MYH11: variants seen among roughly 807,000 people sequenced by gnomAD.
The protein encoded by MYH11 is myosin heavy chain 11.
In MYH11, 80 loss-of-function variants were observed where a neutral mutation model predicts 246.6. That is an observed-to-expected ratio of 0.32 (90% CI 0.27 to 0.39). The LOEUF (loss-of-function observed/expected upper bound fraction) is 0.39, where lower values mean the gene tolerates loss of function less well. MYH11 is among the 10% of genes least tolerant of loss of function. The pLI is 1.00. For missense variants in MYH11, 2,158 were observed against 2,546.8 expected, an observed-to-expected ratio of 0.85 and a Z score of 3.29; for synonymous variants, 1,071 against 1,015.5, an observed-to-expected ratio of 1.05 and a Z score of -1.04.
rs2041716956 is a variant in MYH11, at chr16:15,756,378, T to A, written c.1712A>T (p.Asp571Val). The A allele has an allele frequency of 6.2e-7, 1 of 1,614,060 alleles. No individual in the cohort carries two copies. The highest frequency in any genetic ancestry group is 8.5e-7 in the Non-Finnish European group (1 of 1,180,048). The change falls in exon 14 of 41, where the codon GAC becomes GTC. Residue 571 changes from aspartate to valine, a missense_variant. This residue lies in a region of MYH11 where 317 missense variants were observed against 507.7 expected (regional missense o/e 0.62). Coordinates refer to ENST00000300036, the MANE Select transcript of MYH11 (RefSeq NM_002474.3). The part of the protein sequence containing the change: ...PKFQKPKQLK[D>V]KTEFSIIHYA... ...ATGGATGATGGAGAACTCAGTCTTGTCCTTGAGCTGCTTGGGCTTCTGGAA... is the reference window on the plus strand; with the variant it reads ...ATGGATGATGGAGAACTCAGTCTTGACCTTGAGCTGCTTGGGCTTCTGGAA...
intron 4 of MYH11, among the ~76,000 whole-genome samples, chr16:15,788,075 A>ATTTTTTTTTTTTTT (rs1555569323): frequency 8.0e-4 from 34 of 42,718 alleles, no homozygotes; most frequent in African/African-American, 2.9e-3. Flanking sequence ...ATGAAGGTAG[A>ATTTTTTTTTTTTTT]TCTTTTTTTT....
chr16:15,829,517 C>T (rs1291909714), intron 2 of MYH11, among the ~76,000 whole-genome samples: 2 of 152,182 alleles, frequency 1.3e-5, no homozygotes, highest in Non-Finnish European at 2.9e-5. Flanking sequence ...TTCTCCTTCA[C>T]CTCGACCCAG....
At chr16:15,732,803 G>T in intron 26 of MYH11, 95 bp from the exon 27 acceptor site, 2 of 1,468,682 alleles carry the variant, frequency 1.4e-6, no homozygotes, top group Non-Finnish European at 1.9e-6. Context: ...AGGACCCAGA[G>T]CTGCAGTCCT....
At chr16:15,770,490 T>G (rs987761609) in intron 9 of MYH11, among the ~76,000 whole-genome samples, 2 of 152,214 alleles carry the variant, frequency 1.3e-5, no homozygotes, top group Non-Finnish European at 2.9e-5. Flanking sequence ...TGAGCTGTCC[T>G]GTTCTCAAGA....
At chr16:15,706,239 C>T (rs933481367) in intron 40 of MYH11, among the ~76,000 whole-genome samples, 4 of 152,186 alleles carry the variant, frequency 2.6e-5, no homozygotes. Context: ...AGAGAACTCT[C>T]CATCCTTCTC....
chr16:15,800,413 T>C (rs1035171200), intron 3 of MYH11, among the ~76,000 whole-genome samples: 1 of 147,844 alleles, frequency 6.8e-6, no homozygotes, highest in African/African-American at 2.5e-5. Context: ...GAAGGAAGGA[T>C]GGATGGATAG....
chr16:15,720,121 C>T (rs1438525098), intron 34 of MYH11, 30 bp downstream of exon 34: 3 of 1,614,008 alleles, frequency 1.9e-6, no homozygotes, highest in Non-Finnish European at 2.5e-6. Flanking sequence ...CCTCCCTCCA[C>T]CCATGCCCCA....
intron 26 of MYH11, among the ~76,000 whole-genome samples, chr16:15,733,967 G>A (rs573939996): frequency 6.6e-6 from 1 of 152,328 alleles, no homozygotes; most frequent in East Asian, 1.9e-4. Context: ...TATGGTGTTG[G>A]CACAGCTAGC....
intron 25 of MYH11, among the ~76,000 whole-genome samples, chr16:15,736,192 G>A (rs888182062): frequency 7.9e-5 from 12 of 152,230 alleles, no homozygotes; most frequent in African/African-American, 2.2e-4. Context: ...GGGTTGGGGT[G>A]AGACTGCAGA....
At chr16:15,839,577 C>A (rs2043998058) in intron 1 of MYH11, among the ~76,000 whole-genome samples, 1 of 151,812 alleles carries the variant, frequency 6.6e-6, no homozygotes, top group African/African-American at 2.4e-5. Flanking sequence ...ACCTGTAGTC[C>A]CAGCTACTCA....
At chr16:15,842,398 C>T (rs573726354) in intron 1 of MYH11, among the ~76,000 whole-genome samples, 156 of 151,810 alleles carry the variant, frequency 1.0e-3, no homozygotes, top group Admixed American at 2.4e-3. Context: ...CTCAAAAAAA[C>T]GAAAAACAAA....
intron 40 of MYH11, among the ~76,000 whole-genome samples, chr16:15,707,080 C>T (rs1033321982): frequency 6.6e-6 from 1 of 152,022 alleles, no homozygotes; most frequent in African/African-American, 2.4e-5. Flanking sequence ...GCTGTGTTGC[C>T]CAGGCTGGAG....
Position 15,757,832 on chromosome 16 carries a change from G to A in MYH11, c.1570C>T (p.Arg524Ter), listed in dbSNP as rs2151274829. 1 of 1,614,190 alleles carries A rather than the reference G, an allele frequency of 6.2e-7. No homozygotes were observed. The highest frequency in any genetic ancestry group is 1.1e-5 in the South Asian group (1 of 91,086). ...CACGCCCACGTGCCCCTCACCGGTC[G>A]CTCGATGAGCTCGATGCAGGGCTGT... ...DLQPCIELIERPNNPPGVLAL... is the reference protein window; with the variant it reads ...DLQPCIELIE Residue 524 changes from arginine (R) to a stop codon, truncating the protein, a stop_gained, in exon 13 of 41, where the codon CGA becomes TGA. Coordinates refer to ENST00000300036, the MANE Select transcript of MYH11 (RefSeq NM_002474.3). LOFTEE classifies it high-confidence loss of function.
chr16:15,720,582 C>T (rs2040412814), intron 33 of MYH11, among the ~76,000 whole-genome samples: 1 of 149,896 alleles, frequency 6.7e-6, no homozygotes, highest in Non-Finnish European at 1.5e-5. Context: ...AACCTTGTCT[C>T]CACTGAAAAA....
chr16:15,708,848 CAG>C lies in MYH11; in HGVS notation c.5787-4727_5787-4726del, dbSNP rs747642850. Reference sequence around the variant, plus strand: ...TTCCTGTGGGGGGGGCCCTCTGAAACAGAGAGAGAATCCCCGGAGGTTACCAT... The same window carrying C: ...TTCCTGTGGGGGGGGCCCTCTGAAACAGAGAGAATCCCCGGAGGTTACCAT... On this transcript the variant is annotated intron_variant, in intron 40 of 40. Coordinates refer to ENST00000300036, the MANE Select transcript of MYH11 (RefSeq NM_002474.3). 186 of 1,609,584 alleles carry C rather than the reference CAG, an allele frequency of 1.2e-4. No homozygotes were observed. Among genetic ancestry groups the C allele is most frequent in the South Asian group, 5.2e-4 (47 of 89,800 alleles).
At chr16:15,833,814 T>C (rs1476491162) in intron 2 of MYH11, among the ~76,000 whole-genome samples, 1 of 152,196 alleles carries the variant, frequency 6.6e-6, no homozygotes, top group Non-Finnish European at 1.5e-5. Context: ...GCTGCTATTA[T>C]GGGCTGGGAG....
At chr16:15,767,954 T>C (rs1467442250) in intron 9 of MYH11, among the ~76,000 whole-genome samples, 2 of 151,996 alleles carry the variant, frequency 1.3e-5, no homozygotes, top group Non-Finnish European at 2.9e-5. Context: ...TTTTTTAAAT[T>C]TTTAGTAGAG....
chr16:15,708,124 C>T (rs1346761459), intron 40 of MYH11, among the ~76,000 whole-genome samples: 1 of 152,140 alleles, frequency 6.6e-6, no homozygotes, highest in East Asian at 1.9e-4. Context: ...CAGGACTGTG[C>T]TTGGCTTTGC....
chr16:15,770,440 C>A (rs1391916063), intron 9 of MYH11, among the ~76,000 whole-genome samples: 1 of 152,128 alleles, frequency 6.6e-6, no homozygotes, highest in Non-Finnish European at 1.5e-5. Flanking sequence ...GAAGGAAAAT[C>A]GTTTCTGGAA....
Sources: gnomAD v4.1 joint callset for allele counts (sites outside exome capture counted in the v4.1 genomes callset) on GRCh38, gnomAD v4.1.1 for gene constraint, gnomAD v4.1.1 regional missense constraint, MANE v1.5 for transcripts, NCBI Gene and HGNC (gene_info 2026-07-23, HGNC 2026-07-21) for gene names.